The following OTOA variants were observed in gnomAD, a reference collection of about 807,000 sequenced individuals.
The protein encoded by OTOA is otoancorin.
A neutral mutation model predicts 110.8 loss-of-function variants in OTOA; 70 were observed. That is an observed-to-expected ratio of 0.63 (90% CI 0.52 to 0.77). The LOEUF (loss-of-function observed/expected upper bound fraction) is 0.77, where lower values mean the gene tolerates loss of function less well. Among genes scored for constraint, OTOA ranks in the 30% least tolerant of loss-of-function variants. The pLI is 0.00. For synonymous variants in OTOA, 373 were observed against 431.5 expected (o/e 0.86, Z 1.68); for missense variants, 917 against 1,075.8 (o/e 0.85, Z 2.06).
intron 22 of OTOA, among the ~76,000 whole-genome samples, chr16:21,738,802 T>G (rs1220460701): frequency 5.2e-5 from 8 of 152,422 alleles, no homozygotes; most frequent in Middle Eastern, 3.4e-3. Flanking sequence ...CTATTCCCAT[T>G]TAGGGCTGCA....
At chr16:21,680,343 C>T (rs1028691654) in intron 5 of OTOA, among the ~76,000 whole-genome samples, 2 of 151,776 alleles carry the variant, frequency 1.3e-5, no homozygotes, top group African/African-American at 4.8e-5. Flanking sequence ...GAAACCCTGT[C>T]CCTACTAAAA....
chr16:21,714,286 T>C (rs1325587342), intron 13 of OTOA, among the ~76,000 whole-genome samples: 23 of 142,286 alleles, frequency 1.6e-4, no homozygotes, highest in Admixed American at 1.1e-3. Context: ...CTCCTTCCTT[T>C]CTTTCTTTTC....
At chr16:21,731,747 C>T (rs1440918951) in intron 21 of OTOA, among the ~76,000 whole-genome samples, 6 of 152,086 alleles carry the variant, frequency 3.9e-5, no homozygotes, top group Non-Finnish European at 7.4e-5. Flanking sequence ...TGCTGAATGA[C>T]AATCAGATCC....
At chr16:21,714,377 T>G (rs190572513) in intron 13 of OTOA, among the ~76,000 whole-genome samples, 1 of 98,630 alleles carries the variant, frequency 1.0e-5, no homozygotes, top group Non-Finnish European at 2.5e-5. Flanking sequence ...TTCTCTCTCT[T>G]TCTCTCTTTC....
chr16:21,710,938 G>T (rs981456178), intron 13 of OTOA, among the ~76,000 whole-genome samples: 2 of 152,238 alleles, frequency 1.3e-5, no homozygotes, highest in African/African-American at 4.8e-5. Context: ...GGGAGGCAGA[G>T]GTTGCAGTGA....
intron 19 of OTOA, chr16:21,727,037 G>C (rs62044233): frequency 3.9e-6 from 1 of 253,270 alleles, no homozygotes; most frequent in Non-Finnish European, 7.6e-6. Flanking sequence ...TTTTTTTTGG[G>C]ACAGAGTCTC....
intron 5 of OTOA, among the ~76,000 whole-genome samples, chr16:21,679,434 T>G (rs1966872258): frequency 6.6e-6 from 1 of 152,074 alleles, no homozygotes; most frequent in Non-Finnish European, 1.5e-5. Context: ...GGAGTTTCGC[T>G]CTTGTTGCCC....
At chr16:21,670,652 A>T (rs1162132724) in intron 1 of OTOA, among the ~76,000 whole-genome samples, 1 of 152,210 alleles carries the variant, frequency 6.6e-6, no homozygotes, top group Admixed American at 6.5e-5. Flanking sequence ...CAGAGCATAG[A>T]ATAATGCCTG....
intron 15 of OTOA, 105 bp from the exon 16 acceptor site, chr16:21,719,028 C>T: frequency 8.8e-7 from 1 of 1,141,346 alleles, no homozygotes. Context: ...CCTCCATTTC[C>T]CCATCTGTAA....
chr16:21,684,965 T>A (rs1423121387), intron 6 of OTOA, among the ~76,000 whole-genome samples: 2 of 152,012 alleles, frequency 1.3e-5, no homozygotes, highest in Non-Finnish European at 2.9e-5. Context: ...TTGGCCAGGA[T>A]GGTCTTGATC....
At chr16:21,750,455 G>A (rs1442146685) in intron 24 of OTOA, among the ~76,000 whole-genome samples, 1 of 85,928 alleles carries the variant, frequency 1.2e-5, no homozygotes, top group Non-Finnish European at 2.5e-5. Flanking sequence ...TCCCATTACT[G>A]GAAAGTTCAG....
chr16:21,704,891 A>G, intron 11 of OTOA: 2 of 777,602 alleles, frequency 2.6e-6, no homozygotes, highest in East Asian at 2.4e-5. Context: ...GGATCATGCC[A>G]TGAGGTGATG....
At chr16:21,728,132 T>TG in intron 19 of OTOA, 109 bp from the exon 20 acceptor site, 1 of 1,388,766 alleles carries the variant, frequency 7.2e-7, no homozygotes, top group Admixed American at 1.7e-5. Context: ...CCCAGAGTGC[T>TG]GGGATTATAG....
At chr16:21,678,988 T>C in intron 3 of OTOA, 45 bp downstream of exon 3, 1 of 1,613,712 alleles carries the variant, frequency 6.2e-7, no homozygotes, top group Non-Finnish European at 8.5e-7. Context: ...TCTACTGGAA[T>C]TGCCAACTTT....
intron 10 of OTOA, 125 bp from the exon 11 acceptor site, chr16:21,700,763 A>T: frequency 8.8e-7 from 1 of 1,132,616 alleles, no homozygotes; most frequent in East Asian, 2.4e-5. Flanking sequence ...GACATCAATG[A>T]CAATGAGAAC....
Position 21,680,607 on chromosome 16 carries a change from C to G in OTOA, c.180-1131C>G, listed in dbSNP as rs1410150772. 2.0e-5 allele frequency among the ~76,000 whole-genome samples: 3 copies of G among 152,078 alleles called. No individual in the cohort carries two copies. In the East Asian group the frequency reaches 5.8e-4, roughly 29 times the overall value. ...GGTGGCTTATCCTGTAATCCCAGCA[C>G]TTTGGGAGGCCAAGGTAGGAGGATC... is the stretch of plus-strand genomic sequence containing the variant. On this transcript the variant is annotated intron_variant, in intron 5 of 28. Coordinates refer to ENST00000646100, the MANE Select transcript of OTOA (RefSeq NM_144672.4).
chr16:21,732,452 T>C (rs1899146637), intron 21 of OTOA, among the ~76,000 whole-genome samples: 2 of 152,088 alleles, frequency 1.3e-5, no homozygotes, highest in African/African-American at 4.8e-5. Flanking sequence ...CAGTATACAC[T>C]GCAACATATT....
chr16:21,685,507 T>A, intron 7 of OTOA, 146 bp downstream of exon 7: 2 of 1,118,024 alleles, frequency 1.8e-6, no homozygotes, highest in Non-Finnish European at 2.5e-6. Flanking sequence ...CCTGGGGGCT[T>A]TAGGACCTAA....
chr16:21,736,828 CA>C (rs200779058), intron 22 of OTOA, among the ~76,000 whole-genome samples: 6 of 146,972 alleles, frequency 4.1e-5, no homozygotes, highest in African/African-American at 4.9e-5. Context: ...GACTCTGTCT[CA>C]AAAAAAAAAG....
Sources: allele counts gnomAD v4.1 joint callset (sites outside exome capture counted in the v4.1 genomes callset), GRCh38; gene constraint gnomAD v4.1.1; transcripts MANE v1.5; gene names NCBI Gene and HGNC (gene_info 2026-07-23, HGNC 2026-07-21).